The following LMBR1 variants were observed in gnomAD, a reference collection of about 807,000 sequenced individuals.
The protein encoded by LMBR1 is limb development membrane protein 1.
Under a neutral mutation model 73.9 loss-of-function variants are expected in LMBR1, and 52 were observed. The observed-to-expected ratio is 0.70, with a 90% CI of 0.56 to 0.89. The LOEUF is 0.89. Ranked by LOEUF, LMBR1 falls within the 40% of genes least tolerant of loss-of-function variation. The pLI is 0.00. For missense variants in LMBR1, 539 were observed against 579.8 expected (o/e 0.93, Z 0.72); for synonymous variants, 215 against 209.4 (o/e 1.03, Z -0.23).
chr7:156,886,366 T>C (rs1341823291), intron 1 of LMBR1, among the ~76,000 whole-genome samples: 1 of 152,214 alleles, frequency 6.6e-6, no homozygotes, highest in Non-Finnish European at 1.5e-5. Flanking sequence ...GGGGAGGTCA[T>C]GCACATGCAG....
At chr7:156,794,044 A>T (rs1370786151) in intron 5 of LMBR1, among the ~76,000 whole-genome samples, 1 of 152,062 alleles carries the variant, frequency 6.6e-6, no homozygotes, top group Non-Finnish European at 1.5e-5. Flanking sequence ...AAATTCTTTA[A>T]TTTGGTTTTC....
chr7:156,705,912 G>A (rs1011405202), intron 15 of LMBR1, among the ~76,000 whole-genome samples: 1 of 151,816 alleles, frequency 6.6e-6, no homozygotes, highest in Admixed American at 6.6e-5. Context: ...AATATGACAG[G>A]AACAAAACCT....
intron 16 of LMBR1, among the ~76,000 whole-genome samples, chr7:156,684,461 G>A (rs911769407): frequency 8.5e-5 from 13 of 152,056 alleles, no homozygotes; most frequent in Admixed American, 5.2e-4. Context: ...AAGGGCCATC[G>A]AAGTCACAAC....
intron 12 of LMBR1, 60 bp downstream of exon 12, chr7:156,727,870 C>T (rs1162165347): frequency 6.2e-6 from 7 of 1,131,710 alleles, no homozygotes; most frequent in Non-Finnish European, 9.2e-6. Context: ...TTGAAATACT[C>T]AGGGTATAGA....
intron 1 of LMBR1, among the ~76,000 whole-genome samples, chr7:156,838,830 C>A (rs1249699058): frequency 6.6e-6 from 1 of 152,148 alleles, no homozygotes; most frequent in African/African-American, 2.4e-5. Flanking sequence ...TTTGCATTCC[C>A]ACCAACAATG....
chr7:156,725,892 C>A, intron 12 of LMBR1, 55 bp from the exon 13 acceptor site: 1 of 1,316,816 alleles, frequency 7.6e-7, no homozygotes, highest in South Asian at 1.3e-5. Context: ...ATATTGGTTT[C>A]CCTAAAACAG....
chr7:156,861,900 G>A (rs974850406), intron 1 of LMBR1, among the ~76,000 whole-genome samples: 4 of 152,110 alleles, frequency 2.6e-5, no homozygotes, highest in Admixed American at 6.5e-5. Flanking sequence ...CTGCATTTTT[G>A]TCAAAGCCAC....
intron 5 of LMBR1, among the ~76,000 whole-genome samples, chr7:156,787,020 A>C (rs1180238801): frequency 1.3e-5 from 2 of 152,142 alleles, no homozygotes; most frequent in African/African-American, 4.8e-5. Context: ...TATTAGCCGC[A>C]AACTCTTGGG....
chr7:156,733,613 C>A (rs765834622), intron 10 of LMBR1, among the ~76,000 whole-genome samples: 3 of 151,326 alleles, frequency 2.0e-5, no homozygotes, highest in Non-Finnish European at 2.9e-5. Context: ...TGAAATACAG[C>A]AAGAAAAAAA....
intron 5 of LMBR1, among the ~76,000 whole-genome samples, chr7:156,786,365 A>T (rs1828105529): frequency 2.0e-5 from 3 of 152,170 alleles, no homozygotes; most frequent in African/African-American, 7.2e-5. Context: ...GTTCAAAAAT[A>T]CGTTTAATAA....
intron 5 of LMBR1, among the ~76,000 whole-genome samples, chr7:156,791,860 C>T: frequency 6.6e-6 from 1 of 152,138 alleles, no homozygotes; most frequent in East Asian, 1.9e-4. Flanking sequence ...TCAAATCAAA[C>T]ATAGGCATTA....
At chr7:156,671,290 T>C (rs944534357) in intron 4 of LMBR1, among the ~76,000 whole-genome samples, 19 of 152,304 alleles carry the variant, frequency 1.2e-4, no homozygotes, top group Non-Finnish European at 1.9e-4. Context: ...TCAGATTATG[T>C]ATGTGTTACT....
chr7:156,827,416 A>G (rs1441286715), intron 3 of LMBR1, among the ~76,000 whole-genome samples: 3 of 152,132 alleles, frequency 2.0e-5, no homozygotes, highest in Non-Finnish European at 2.9e-5. Context: ...CAATAAATGT[A>G]AAACATGTTC....
chr7:156,671,554 T>C (rs1293832869), intron 4 of LMBR1, among the ~76,000 whole-genome samples: 1 of 152,230 alleles, frequency 6.6e-6, no homozygotes, highest in Non-Finnish European at 1.5e-5. Flanking sequence ...ATGATGCAGA[T>C]GTCATCATAG....
rs1260874225 is a variant in LMBR1 at position 156,763,136 on chromosome 7, T to C, written c.591A>G (p.Ile197Met). ...GAAGTAACAAACATCCCATCAATGA[T>C]ATACAGGAATATAAATAGGGTAGAT... ...EFYLPYLYSCISLMGCLLLLL... is the reference protein window; with the variant it reads ...EFYLPYLYSCMSLMGCLLLLL... Residue 197 changes from isoleucine to methionine, a missense_variant, in exon 7 of 17, where the codon ATA becomes ATG. Coordinates refer to ENST00000353442, the MANE Select transcript of LMBR1 (RefSeq NM_022458.4). The C allele has an allele frequency of 4.3e-6, 6 of 1,409,622 alleles. No individual in the cohort carries two copies. The highest frequency in any genetic ancestry group is 5.9e-6 in the Non-Finnish European group (6 of 1,014,380). The allele number at this position is 1,409,622 out of a possible 1,614,324, so 87.3% of individuals were successfully genotyped here. A position where few individuals can be genotyped will look rare whatever the true frequency, so the allele number is the denominator to read the frequency against.
chr7:156,865,088 C>T (rs1166411971), intron 1 of LMBR1, among the ~76,000 whole-genome samples: 2 of 151,376 alleles, frequency 1.3e-5, no homozygotes, highest in African/African-American at 2.4e-5. Context: ...AGGAGGATCG[C>T]TTGAGCTCAG....
chr7:156,691,938 A>G (rs1157330718), intron 15 of LMBR1, among the ~76,000 whole-genome samples: 1 of 152,208 alleles, frequency 6.6e-6, no homozygotes, highest in Non-Finnish European at 1.5e-5. Flanking sequence ...AATGAAATCT[A>G]CAGTCATTTT....
chr7:156,873,153 C>A (rs1026381118), intron 1 of LMBR1, among the ~76,000 whole-genome samples: 1 of 151,784 alleles, frequency 6.6e-6, no homozygotes, highest in Non-Finnish European at 1.5e-5. Flanking sequence ...TAAGGTGGCG[C>A]GTCTGGAGTC....
downstream of LMBR1, among the ~76,000 whole-genome samples, chr7:156,673,625 C>A (rs187210266): frequency 2.7e-3 from 408 of 152,306 alleles, 1 homozygote; most frequent in Admixed American, 5.6e-3. Context: ...AGATCCTCAG[C>A]CACCCCCTTC....
Sources: gnomAD v4.1 joint callset for allele counts (sites outside exome capture counted in the v4.1 genomes callset) on GRCh38, gnomAD v4.1.1 for gene constraint, MANE v1.5 for transcripts, NCBI Gene and HGNC (gene_info 2026-07-23, HGNC 2026-07-21) for gene names.